NIBAN1: variants seen among roughly 807,000 people sequenced by gnomAD.
NIBAN1 encodes the protein niban apoptosis regulator 1, also known as protein Niban 1.
Under a neutral mutation model 75.1 loss-of-function variants are expected in NIBAN1, and 81 were observed. The observed-to-expected ratio is 1.08, with a 90% CI of 0.90 to 1.30. The LOEUF is 1.30. Among genes scored for constraint, NIBAN1 ranks in the 50% most tolerant of loss-of-function variants. The pLI, the probability that NIBAN1 is intolerant of heterozygous loss-of-function variation, is 0.00. For missense variants in NIBAN1, 1,133 were observed against 1,128.1 expected, an observed-to-expected ratio of 1.00 and a Z score of -0.06; for synonymous variants, 436 against 424.8, an observed-to-expected ratio of 1.03 and a Z score of -0.32.
intron 5 of NIBAN1, among the ~76,000 whole-genome samples, chr1:184,852,691 C>T (rs1270421187): frequency 6.6e-6 from 1 of 152,192 alleles, no homozygotes; most frequent in Non-Finnish European, 1.5e-5. Context: ...TTGGTTGGTG[C>T]TTTCCATGAT....
At chr1:184,895,291 G>A (rs762549900) in intron 2 of NIBAN1, among the ~76,000 whole-genome samples, 3 of 152,094 alleles carry the variant, frequency 2.0e-5, no homozygotes, top group Non-Finnish European at 4.4e-5. Context: ...TAGTTCTTAT[G>A]TGCAGCTTTT....
At chr1:184,943,942 G>A (rs1051719033) in intron 1 of NIBAN1, among the ~76,000 whole-genome samples, 24 of 152,074 alleles carry the variant, frequency 1.6e-4, no homozygotes, top group African/African-American at 5.6e-4. Flanking sequence ...ACAAAAACAG[G>A]GTAAGATGGA....
At chr1:184,935,011 A>G (rs1657919489) in intron 1 of NIBAN1, among the ~76,000 whole-genome samples, 2 of 152,246 alleles carry the variant, frequency 1.3e-5, no homozygotes, top group South Asian at 4.1e-4. Context: ...TCAAGGCTGC[A>G]ATGAGCCGTG....
At chr1:184,911,414 G>C (rs1657237918) in intron 1 of NIBAN1, among the ~76,000 whole-genome samples, 1 of 152,180 alleles carries the variant, frequency 6.6e-6, no homozygotes, top group African/African-American at 2.4e-5. Flanking sequence ...AGTTGGCAGA[G>C]GTTGTCAGCA....
intron 1 of NIBAN1, among the ~76,000 whole-genome samples, chr1:184,930,997 C>CTTTTTTCTTTTTTTTTTTTTTT (rs1553229154): frequency 8.7e-6 from 1 of 114,550 alleles, no homozygotes; most frequent in Non-Finnish European, 1.7e-5. Flanking sequence ...TTTTCTTCTT[C>CTTTTTTCTTTTTTTTTTTTTTT]TTTTTTTTTT....
intron 5 of NIBAN1, chr1:184,868,048 TCCCA>T (rs1329332424): frequency 1.0e-6 from 1 of 985,290 alleles, no homozygotes; most frequent in African/African-American, 1.7e-5. Context: ...TGCCCTGATC[TCCCA>T]CCAGAAAGGA....
In NIBAN1 at chr1:184,961,143, A is replaced by G. The variant is rs370226397; in HGVS notation, c.55+13159T>C. Among the ~76,000 whole-genome samples, 71 of 128,744 alleles carry G rather than the reference A, an allele frequency of 5.5e-4. 1 individual carries two copies. In the East Asian group the frequency reaches 6.2e-3, roughly 11 times the overall value. 84.5% of individuals were successfully genotyped at this position (128,744 alleles called of 152,430 possible). On this transcript the variant is annotated intron_variant, in intron 1 of 13. Transcript: ENST00000367511. ...GAGTGCAGTGGCGCGATCTCGGCTC[A>G]CTGCAAGCTCCGCCTCCTGGGTTCA...
intron 1 of NIBAN1, among the ~76,000 whole-genome samples, chr1:184,970,959 G>T (rs960622300): frequency 1.3e-5 from 2 of 151,938 alleles, no homozygotes; most frequent in Non-Finnish European, 2.9e-5. Flanking sequence ...TTTTTTTTAA[G>T]CTATAGTTTA....
At chr1:184,911,490 CT>C (rs1366271576) in intron 1 of NIBAN1, among the ~76,000 whole-genome samples, 45 of 152,194 alleles carry the variant, frequency 3.0e-4, no homozygotes, top group Non-Finnish European at 1.2e-4. Context: ...TGAGTACCCC[CT>C]CCCTTAATCG....
rs1301568061 is a variant in NIBAN1 at position 184,793,728 on chromosome 1, A to T, written c.*1249T>A. 3.3e-5 allele frequency: 5 copies of T among 152,194 alleles called. No individual in the cohort carries two copies. Among genetic ancestry groups the T allele is most frequent in the African/African-American group, 1.2e-4 (5 of 41,448 alleles). 9.4% of individuals were successfully genotyped at this position (152,194 alleles called of 1,614,324 possible). A position where few individuals can be genotyped will look rare whatever the true frequency, so the allele number is the denominator to read the frequency against. ...TTTTCAACATTAATGGTTATAGGTC[A>T]CCATCCGTTAAGAAGATGTGTTTTG... On this transcript the variant is annotated 3_prime_UTR_variant, in exon 14 of 14. Coordinates refer to ENST00000367511, the MANE Select transcript of NIBAN1 (RefSeq NM_052966.4).
chr1:184,808,323 A>G, intron 9 of NIBAN1, 88 bp from the exon 10 acceptor site: 1 of 1,326,210 alleles, frequency 7.5e-7, no homozygotes, highest in Non-Finnish European at 1.0e-6. Flanking sequence ...ATTCTAAGCA[A>G]TCAAATGCAA....
intron 1 of NIBAN1, among the ~76,000 whole-genome samples, chr1:184,953,615 A>G (rs181810469): frequency 8.5e-4 from 129 of 152,356 alleles, no homozygotes; most frequent in Non-Finnish European, 1.6e-3. Flanking sequence ...CATTAAAAAC[A>G]TGTGGAGACA....
Position 184,864,087 on chromosome 1 carries a change from C to T in NIBAN1, c.601+20546G>A, listed in dbSNP as rs569995105. On this transcript the variant is annotated intron_variant, in intron 5 of 13. Coordinates refer to ENST00000367511, the MANE Select transcript of NIBAN1 (RefSeq NM_052966.4). ...CAGGCTCTTTAATACACAACAATTA[C>T]GAGCTTGAGCTTTGGAGTTAAACAT... is the stretch of plus-strand genomic sequence containing the variant. Among the ~76,000 whole-genome samples the T allele has an allele frequency of 1.3e-4, 20 of 152,296 alleles. No homozygotes were observed. In the East Asian group the frequency reaches 1.7e-3, roughly 13 times the overall value.
chr1:184,964,106 A>G (rs1350911233), intron 1 of NIBAN1, among the ~76,000 whole-genome samples: 5 of 151,956 alleles, frequency 3.3e-5, no homozygotes, highest in Non-Finnish European at 1.5e-5. Flanking sequence ...ATTTCCAGTC[A>G]ATGAGTTCAG....
At chr1:184,811,660 T>G (rs900399161) in intron 9 of NIBAN1, among the ~76,000 whole-genome samples, 1 of 151,830 alleles carries the variant, frequency 6.6e-6, no homozygotes, top group African/African-American at 2.4e-5. Context: ...GCCCGGCTAA[T>G]TTTTGGTATT....
At position 184,930,997 on chromosome 1, in the gene NIBAN1, C is replaced by CT. The variant is rs200932673; in HGVS notation, c.56-31689dup. ...GTTTCTAAGTGCACTTTTTCTTCTT[C>CT]TTTTTTTTTTTTTTTTTTTTGAGAC... On this transcript the variant is annotated intron_variant, in intron 1 of 13. Coordinates refer to ENST00000367511, the MANE Select transcript of NIBAN1 (RefSeq NM_052966.4). Among the ~76,000 whole-genome samples the CT allele has an allele frequency of 8.4e-3, 965 of 114,472 alleles. 28 individuals carry two copies. Among genetic ancestry groups the CT allele is most frequent in the East Asian group, 0.046 (189 of 4,088 alleles). 75.1% of individuals were successfully genotyped at this position (114,472 alleles called of 152,430 possible).
At chr1:184,912,116 GT>G (rs1054407685) in intron 1 of NIBAN1, among the ~76,000 whole-genome samples, 3 of 151,752 alleles carry the variant, frequency 2.0e-5, no homozygotes, top group Non-Finnish European at 2.9e-5. Context: ...TCTGCAGCTT[GT>G]TTTTTTCACT....
chr1:184,954,436 G>C (rs1395939087), intron 1 of NIBAN1, among the ~76,000 whole-genome samples: 3 of 152,122 alleles, frequency 2.0e-5, no homozygotes, highest in Non-Finnish European at 4.4e-5. Context: ...GCATTTCCTT[G>C]TGAGTTTAAC....
intron 1 of NIBAN1, among the ~76,000 whole-genome samples, chr1:184,907,873 A>G (rs2102000564): frequency 6.6e-6 from 1 of 152,348 alleles, no homozygotes; most frequent in Middle Eastern, 3.4e-3. Context: ...TACCCTGTAG[A>G]AATCCCACCT....
Sources: allele counts gnomAD v4.1 joint callset (sites outside exome capture counted in the v4.1 genomes callset), GRCh38; gene constraint gnomAD v4.1.1; transcripts MANE v1.5; gene names NCBI Gene and HGNC (gene_info 2026-07-23, HGNC 2026-07-21).